MRC1: variants seen among roughly 807,000 people sequenced by gnomAD.
The protein encoded by MRC1 is macrophage mannose receptor 1.
In MRC1, 62 loss-of-function variants were observed where a neutral mutation model predicts 102.9. The observed-to-expected ratio is 0.60, with a 90% CI of 0.49 to 0.74. The LOEUF (loss-of-function observed/expected upper bound fraction) is 0.74. MRC1 is among the 30% of genes least tolerant of loss of function. The pLI is 0.00. For synonymous variants in MRC1, 457 were observed against 298.4 expected, an observed-to-expected ratio of 1.53 and a Z score of -5.48; for missense variants, 1,237 against 862.8, an observed-to-expected ratio of 1.43 and a Z score of -5.43.
chr10:17,830,385 G>A (rs1471991247), intron 3 of MRC1, among the ~76,000 whole-genome samples: 1 of 151,278 alleles, frequency 6.6e-6, no homozygotes, highest in African/African-American at 2.5e-5. Context: ...ACCCACCTCG[G>A]CCTCCCAAAG....
At chr10:17,851,944 A>G (rs1554840574) in intron 7 of MRC1, among the ~76,000 whole-genome samples, 2 of 152,370 alleles carry the variant, frequency 1.3e-5, no homozygotes, top group South Asian at 4.1e-4. Flanking sequence ...ATTTTCTACC[A>G]CAACATCATC....
intron 12 of MRC1, among the ~76,000 whole-genome samples, chr10:17,868,204 T>C (rs1433586865): frequency 3.3e-5 from 5 of 152,208 alleles, no homozygotes; most frequent in African/African-American, 1.2e-4. Flanking sequence ...TGTGTTAGTC[T>C]GTTCTCACAC....
chr10:17,832,994 G>A (rs1838602231), intron 3 of MRC1, among the ~76,000 whole-genome samples: 1 of 152,052 alleles, frequency 6.6e-6, no homozygotes, highest in Non-Finnish European at 1.5e-5. Context: ...TGTACCCAAT[G>A]GATAATTTTT....
chr10:17,894,951 T>C (rs1325026899), intron 23 of MRC1, among the ~76,000 whole-genome samples: 2 of 152,162 alleles, frequency 1.3e-5, no homozygotes, highest in Non-Finnish European at 2.9e-5. Context: ...GGTGGGTGGA[T>C]TGCTTGAGCC....
At chr10:17,821,967 A>T (rs1325290588) in intron 1 of MRC1, among the ~76,000 whole-genome samples, 1 of 152,212 alleles carries the variant, frequency 6.6e-6, no homozygotes, top group African/African-American at 2.4e-5. Context: ...CAAAGCACTC[A>T]GTTACTTTCA....
At chr10:17,818,936 G>T (rs1321394888) in intron 1 of MRC1, among the ~76,000 whole-genome samples, 2 of 152,162 alleles carry the variant, frequency 1.3e-5, no homozygotes, top group Non-Finnish European at 2.9e-5. Context: ...TGGTGTGGTT[G>T]GTGGTGAGGG....
chr10:17,845,568 T>G, intron 6 of MRC1, 133 bp downstream of exon 6: 1 of 719,566 alleles, frequency 1.4e-6, no homozygotes, highest in Non-Finnish European at 2.6e-6. Context: ...TTAATGATAT[T>G]ACTGCAATAT....
intron 28 of MRC1, among the ~76,000 whole-genome samples, chr10:17,909,086 C>T (rs2130727822): frequency 6.6e-6 from 1 of 152,200 alleles, no homozygotes; most frequent in African/African-American, 2.4e-5. Context: ...TGCTATGGCT[C>T]AGACAGAGAG....
At position 17,887,477 on chromosome 10, in the gene MRC1, T is replaced by C. The variant is rs926359681; in HGVS notation, c.3147+2042T>C. ...CTGTGGAGAAATTCTTTCATTCTCA[T>C]GACACCAATGAGGGCTGAAAGACTT... is the stretch of plus-strand genomic sequence containing the variant. On this transcript the variant is annotated intron_variant, in intron 22 of 29. Coordinates refer to ENST00000569591, the MANE Select transcript of MRC1 (RefSeq NM_002438.4). Among the ~76,000 whole-genome samples the C allele has an allele frequency of 3.5e-4, 54 of 152,306 alleles. 1 individual carries two copies. The East Asian group carries it at 9.3e-3, about 26-fold the overall frequency.
At chr10:17,853,158 A>G (rs1189145046) in intron 8 of MRC1, 34 bp downstream of exon 8, 5 of 779,466 alleles carry the variant, frequency 6.4e-6, no homozygotes, top group African/African-American at 5.1e-5. Flanking sequence ...ATTTATAATG[A>G]AAGTCACGGG....
intron 22 of MRC1, among the ~76,000 whole-genome samples, chr10:17,891,219 T>G (rs1334913486): frequency 2.0e-5 from 3 of 151,588 alleles, no homozygotes; most frequent in Admixed American, 6.6e-5. Context: ...CAGGCTGGAG[T>G]GCAGTGGCGC....
chr10:17,910,476 C>T lies in MRC1; in HGVS notation c.*11C>T, dbSNP rs939663198. 1.2e-5 allele frequency: 9 copies of T among 780,388 alleles called. No individual in the cohort carries two copies. The highest frequency in any genetic ancestry group is 1.9e-5 in the Non-Finnish European group (8 of 417,920). The allele number at this position is 780,388 out of a possible 1,614,324, so 48.3% of individuals were successfully genotyped here. A position where few individuals can be genotyped will look rare whatever the true frequency, so the allele number is the denominator to read the frequency against. On this transcript the variant is annotated 3_prime_UTR_variant, in exon 30 of 30. Coordinates refer to ENST00000569591, the MANE Select transcript of MRC1 (RefSeq NM_002438.4). ...CACTCGGTCATCTAGTACCTCAATG[C>T]GATTCTGAGATATTTGAATTTCATA...
chr10:17,893,010 G>GAAAAAAAA (rs1208089477), intron 22 of MRC1, among the ~76,000 whole-genome samples: 1 of 135,510 alleles, frequency 7.4e-6, no homozygotes, highest in Non-Finnish European at 1.6e-5. Flanking sequence ...CTCCATCTAG[G>GAAAAAAAA]AAAAAAAAAA....
At chr10:17,903,382 CTTTTTTTTTCT>C (rs1833854251) in intron 26 of MRC1, among the ~76,000 whole-genome samples, 1 of 125,052 alleles carries the variant, frequency 8.0e-6, no homozygotes, top group African/African-American at 3.0e-5. Flanking sequence ...TTTTTCTTTT[CTTTTTTTTTCT>C]TTTTTTTTTT....
intron 1 of MRC1, among the ~76,000 whole-genome samples, chr10:17,818,534 C>T (rs1055669328): frequency 3.9e-5 from 6 of 152,156 alleles, no homozygotes; most frequent in Non-Finnish European, 7.3e-5. Flanking sequence ...CTTGGCTGGG[C>T]GCAGTGGCTC....
chr10:17,897,620 G>A (rs2130713612), intron 23 of MRC1, among the ~76,000 whole-genome samples: 1 of 152,320 alleles, frequency 6.6e-6, no homozygotes, highest in African/African-American at 2.4e-5. Flanking sequence ...GAGGGAGGAA[G>A]AGAAAGACTT....
At chr10:17,837,655 G>GTCCCAC (rs1209720301) in intron 4 of MRC1, among the ~76,000 whole-genome samples, 3 of 151,416 alleles carry the variant, frequency 2.0e-5, no homozygotes, top group Non-Finnish European at 2.9e-5. Context: ...TTGAGACAAA[G>GTCCCAC]TCTCACTCTG....
chr10:17,885,991 T>A (rs1296679574), intron 22 of MRC1, among the ~76,000 whole-genome samples: 2 of 152,266 alleles, frequency 1.3e-5, no homozygotes, highest in African/African-American at 4.8e-5. Context: ...ATCAACACCA[T>A]GTTAGGGATT....
intron 2 of MRC1, 52 bp from the exon 3 acceptor site, chr10:17,827,490 A>AT (rs1838498919): frequency 2.7e-6 from 2 of 738,308 alleles, no homozygotes; most frequent in South Asian, 1.4e-5. Flanking sequence ...TGGAAAGTTA[A>AT]TGTTCAGAAA....
Sources: allele counts gnomAD v4.1 joint callset (sites outside exome capture counted in the v4.1 genomes callset), GRCh38; gene constraint gnomAD v4.1.1; transcripts MANE v1.5; gene names NCBI Gene and HGNC (gene_info 2026-07-23, HGNC 2026-07-21).